ATP2B4: variants seen among roughly 807,000 people sequenced by gnomAD.
ATP2B4 encodes plasma membrane calcium-transporting ATPase 4.
A neutral mutation model predicts 110.3 loss-of-function variants in ATP2B4; 39 were observed. The observed-to-expected ratio is 0.35, with a 90% confidence interval of 0.27 to 0.46. The LOEUF is 0.46. Among genes scored for constraint, ATP2B4 ranks in the 20% least tolerant of loss-of-function variants. The pLI is 1.00. For missense variants in ATP2B4, 1,135 were observed against 1,530.9 expected (o/e 0.74, Z 4.32); for synonymous variants, 538 against 571.7 (o/e 0.94, Z 0.84).
intron 19 of ATP2B4, among the ~76,000 whole-genome samples, chr1:203,726,410 G>A (rs1666518367): frequency 7.0e-6 from 1 of 142,246 alleles, no homozygotes; most frequent in Admixed American, 7.5e-5. Context: ...ACCCTGTTCT[G>A]TTTGGTGAAG....
At chr1:203,731,880 GAGGA>G (rs1311622430) in intron 20 of ATP2B4, among the ~76,000 whole-genome samples, 2 of 146,566 alleles carry the variant, frequency 1.4e-5, no homozygotes, top group Non-Finnish European at 3.0e-5. Context: ...AGGAAGGAGG[GAGGA>G]AGGAAGGAAG....
In ATP2B4 at chr1:203,680,612, A is replaced by AAAAAAG. The variant is rs1171149275; in HGVS notation, c.-464-2125_-464-2124insGAAAAA. On this transcript the variant is annotated intron_variant, in intron 1 of 20. Coordinates refer to ENST00000357681, the MANE Select transcript of ATP2B4 (RefSeq NM_001684.5). ...CGACAGAGTGAGACTCCGTCTCAAA[A>AAAAAAG]AAAAAAGAAAAAAAAGATCAAATTA... Among the ~76,000 whole-genome samples the AAAAAAG allele has an allele frequency of 7.6e-4, 33 of 43,696 alleles. 1 individual carries two copies. The highest frequency in any genetic ancestry group is 1.5e-3 in the African/African-American group (32 of 21,448). The allele number at this position is 43,696 out of a possible 152,430, so 28.7% of individuals were successfully genotyped here.
chr1:203,675,196 C>G (rs1664793923), intron 1 of ATP2B4, among the ~76,000 whole-genome samples: 2 of 152,142 alleles, frequency 1.3e-5, no homozygotes, highest in Non-Finnish European at 2.9e-5. Flanking sequence ...CTTAGCAGAC[C>G]AGGTGATCAG....
intron 1 of ATP2B4, among the ~76,000 whole-genome samples, chr1:203,673,876 C>T (rs553281823): frequency 4.6e-4 from 70 of 152,220 alleles, no homozygotes; most frequent in African/African-American, 1.7e-3. Context: ...GGTCCCGACC[C>T]GGTAGCCCAG....
intron 1 of ATP2B4, among the ~76,000 whole-genome samples, chr1:203,632,572 C>T (rs1335621292): frequency 2.6e-5 from 4 of 151,262 alleles, no homozygotes; most frequent in Admixed American, 6.6e-5. Flanking sequence ...TTCGATCTCC[C>T]GACCTCATGA....
chr1:203,731,849 CAAA>C (rs35528335), intron 20 of ATP2B4, among the ~76,000 whole-genome samples: 7 of 51,068 alleles, frequency 1.4e-4, no homozygotes, highest in African/African-American at 6.3e-4. Flanking sequence ...GACTCTGTCT[CAAA>C]AAAAAAAAAA....
rs199754074 is a variant in ATP2B4 at position 203,708,010 on chromosome 1, G to A, written c.1463G>A (p.Arg488His). The A allele has an allele frequency of 1.1e-4, 183 of 1,614,138 alleles. No homozygotes were observed. Among genetic ancestry groups the A allele is most frequent in the East Asian group, 8.9e-4 (40 of 44,886 alleles). The change falls in exon 10 of 21, where the codon CGT becomes CAT. Residue 488 changes from arginine (R) to histidine (H), a missense_variant. Arg to His is a conservative substitution (Grantham distance 29). Transcript: ENST00000357681. ...GCTTATATTGGGGGCATCCATTACC[G>A]TCAAATCCCAAGCCCTGATGTCTTC... is the stretch of plus-strand genomic sequence containing the variant. ...VQAYIGGIHY[R>H]QIPSPDVFLP...
chr1:203,627,674 G>GAA (rs58557409), intron 1 of ATP2B4, among the ~76,000 whole-genome samples: 16 of 134,630 alleles, frequency 1.2e-4, no homozygotes, highest in African/African-American at 3.0e-4. Context: ...AAGAGAGATG[G>GAA]AAAAAAAAAA....
At chr1:203,712,559 C>G (rs1666042463) in intron 13 of ATP2B4, among the ~76,000 whole-genome samples, 1 of 151,380 alleles carries the variant, frequency 6.6e-6, no homozygotes, top group African/African-American at 2.4e-5. Context: ...CCACTGCACT[C>G]CAGCCTGGGC....
At chr1:203,707,558 G>A (rs1410173947) in intron 9 of ATP2B4, among the ~76,000 whole-genome samples, 1 of 151,930 alleles carries the variant, frequency 6.6e-6, no homozygotes, top group African/African-American at 2.4e-5. Flanking sequence ...AGCCTCCCAA[G>A]TAGCTGGGAT....
Position 203,699,530 on chromosome 1 carries a change from C to A in ATP2B4, c.462C>A (p.Ala154=). 1 of 1,614,174 alleles carries A rather than the reference C, an allele frequency of 6.2e-7. No individual in the cohort carries two copies. The highest frequency in any genetic ancestry group is 1.3e-5 in the African/African-American group (1 of 75,042). Residue 154 remains alanine (A), a synonymous_variant, in exon 4 of 21, where the codon GCC becomes GCA. Transcript: ENST00000357681. ...EAQAGWIEGA[A]ILFSVIIVVL... ...AAGCTGGCTGGATTGAGGGGGCAGC[C>A]ATCCTTTTCTCAGTGATCATCGTGG...
At chr1:203,646,870 A>T (rs985087816) in intron 1 of ATP2B4, among the ~76,000 whole-genome samples, 2 of 152,172 alleles carry the variant, frequency 1.3e-5, no homozygotes, top group African/African-American at 4.8e-5. Context: ...GAAAACTAAA[A>T]CGTTCACAAG....
chr1:203,700,984 G>A (rs895883349), intron 6 of ATP2B4, 61 bp downstream of exon 6: 19 of 1,562,092 alleles, frequency 1.2e-5, no homozygotes, highest in East Asian at 4.7e-5. Context: ...ACAAGGAAGC[G>A]AGGGAGCAGA....
chr1:203,628,101 G>A (rs910171642), intron 1 of ATP2B4, among the ~76,000 whole-genome samples: 3 of 152,200 alleles, frequency 2.0e-5, no homozygotes, highest in Non-Finnish European at 4.4e-5. Context: ...TGGCAGATGG[G>A]GTGGGCCACA....
At chr1:203,720,843 T>TC in intron 16 of ATP2B4, 103 bp downstream of exon 16, 1 of 1,340,724 alleles carries the variant, frequency 7.5e-7, no homozygotes, top group Admixed American at 2.6e-5. Flanking sequence ...AGACAGCGTT[T>TC]CCCCATGACA....
intron 1 of ATP2B4, among the ~76,000 whole-genome samples, chr1:203,653,203 G>A (rs545465629): frequency 5.3e-5 from 8 of 152,350 alleles, no homozygotes; most frequent in South Asian, 2.1e-4. Flanking sequence ...ATTCCCTTAA[G>A]TTGAATCCTA....
At chr1:203,712,532 A>G (rs575006041) in intron 13 of ATP2B4, among the ~76,000 whole-genome samples, 12 of 151,622 alleles carry the variant, frequency 7.9e-5, no homozygotes, top group Middle Eastern at 6.8e-3. Context: ...CGGAGGGTGC[A>G]GTGAGCCAAG....
intron 13 of ATP2B4, 36 bp downstream of exon 13, chr1:203,712,175 G>A (rs1328103680): frequency 1.2e-6 from 2 of 1,603,542 alleles, no homozygotes; most frequent in Non-Finnish European, 1.7e-6. Flanking sequence ...GACCTCACCT[G>A]ACAAGGAAAA....
At chr1:203,712,321 G>T (rs139587067) in intron 13 of ATP2B4, among the ~76,000 whole-genome samples, 182 bp downstream of exon 13, 1 of 152,166 alleles carries the variant, frequency 6.6e-6, no homozygotes, top group Non-Finnish European at 1.5e-5. Context: ...GGCTGGGCGC[G>T]GTAGCTTACT....
Sources: gnomAD v4.1 joint callset for allele counts (sites outside exome capture counted in the v4.1 genomes callset) on GRCh38, gnomAD v4.1.1 for gene constraint, MANE v1.5 for transcripts, NCBI Gene and HGNC (gene_info 2026-07-23, HGNC 2026-07-21) for gene names.